LINS1: variants seen among roughly 807,000 people sequenced by gnomAD.
LINS1 encodes the protein lines homolog 1.
In LINS1, 27 loss-of-function variants were observed where a neutral mutation model predicts 41.6. That is an observed-to-expected ratio of 0.65 (90% CI 0.48 to 0.89). The LOEUF (loss-of-function observed/expected upper bound fraction) is 0.89. LINS1 is among the 40% of genes least tolerant of loss of function. The pLI is 0.00. For synonymous variants in LINS1, 336 were observed against 312.9 expected (o/e 1.07, Z -0.78); for missense variants, 955 against 884.1 (o/e 1.08, Z -1.02).
chr15:100,593,497 T>A (rs2141352685), intron 1 of LINS1, among the ~76,000 whole-genome samples: 1 of 148,922 alleles, frequency 6.7e-6, no homozygotes, highest in East Asian at 2.0e-4. Context: ...ATACGAATCG[T>A]TAAACTTTAT....
At chr15:100,596,293 T>G (rs1442804508) in intron 1 of LINS1, among the ~76,000 whole-genome samples, 2 of 152,230 alleles carry the variant, frequency 1.3e-5, no homozygotes, top group Non-Finnish European at 2.9e-5. Flanking sequence ...TCCTAGGAGC[T>G]TCCCATAAGA....
chr15:100,578,761 A>T (rs2038345415), intron 3 of LINS1, among the ~76,000 whole-genome samples: 1 of 152,192 alleles, frequency 6.6e-6, no homozygotes, highest in Non-Finnish European at 1.5e-5. Context: ...AATAGCAAAG[A>T]CTTGGAACCA....
chr15:100,580,497 A>G lies in LINS1; in HGVS notation c.346T>C (p.Tyr116His), dbSNP rs758575518. The G allele has an allele frequency of 1.2e-5, 19 of 1,613,918 alleles. No individual in the cohort carries two copies. Among genetic ancestry groups the G allele is most frequent in the East Asian group, 2.2e-5 (1 of 44,898 alleles). ...AAGAGAATTTTAATTACATCTCTGT[A>G]CTGCTCCTTTGCATGGAACTCGGTT... ...VKTEFHAKEQ[Y>H]RDVIKILLES... The change falls in exon 2 of 7, where the codon TAC becomes CAC. Residue 116 changes from tyrosine (Y) to histidine (H), a missense_variant. Coordinates refer to ENST00000314742, the MANE Select transcript of LINS1 (RefSeq NM_001040616.3).
At chr15:100,579,401 AT>A (rs35349929) in intron 3 of LINS1, among the ~76,000 whole-genome samples, 5 of 146,270 alleles carry the variant, frequency 3.4e-5, no homozygotes, top group East Asian at 2.0e-4. Flanking sequence ...CCTTTAACTT[AT>A]TTTTTTTTTA....
At position 100,589,416 on chromosome 15, in the gene LINS1, C is replaced by T. The variant is rs148024772; in HGVS notation, c.-103-8471G>A. On this transcript the variant is annotated intron_variant, in intron 1 of 6. Transcript: ENST00000314742. ...AGATACATATTTTGAATGAACTCCA[C>T]GATCTAAGTCAATTTACCTATGATA... 5.9e-5 allele frequency among the ~76,000 whole-genome samples: 9 copies of T among 152,154 alleles called. No homozygotes were observed. In the South Asian group the frequency reaches 1.9e-3, roughly 31 times the overall value.
chr15:100,591,581 T>C (rs1028894076), intron 1 of LINS1, among the ~76,000 whole-genome samples: 2 of 152,192 alleles, frequency 1.3e-5, no homozygotes. Flanking sequence ...AGGAAACACA[T>C]AGATCCTAGA....
At position 100,581,517 on chromosome 15, in the gene LINS1, T is replaced by C. The variant is rs561207958; in HGVS notation, c.-103-572A>G. On this transcript the variant is annotated intron_variant, in intron 1 of 6. Coordinates refer to ENST00000314742, the MANE Select transcript of LINS1 (RefSeq NM_001040616.3). ...TAGACTGCTATATGGTCAAACTAGA[T>C]TATGGCTATTGCCAATGAAATTCCA... 4.6e-5 allele frequency among the ~76,000 whole-genome samples: 7 copies of C among 152,348 alleles called. No homozygotes were observed. The South Asian group carries it at 1.4e-3, about 32-fold the overall frequency.
rs751575580 is a variant in LINS1, at chr15:100,569,987, G to C, written c.1525C>G (p.Leu509Val). The change falls in exon 7 of 7, where the codon CTT becomes GTT. Residue 509 changes from leucine to valine, a missense_variant. Leu to Val is a conservative substitution (Grantham distance 32). Coordinates refer to ENST00000314742, the MANE Select transcript of LINS1 (RefSeq NM_001040616.3). Reference protein sequence around the residue: ...LKNIGFDSTVLLDFLISSETC... With the variant: ...LKNIGFDSTVVLDFLISSETC... ...TCTGATGAAATCAAAAAGTCAAGAAGAACTGTGGAATCAAATCCTATATTT... is the reference window on the plus strand; with the variant it reads ...TCTGATGAAATCAAAAAGTCAAGAACAACTGTGGAATCAAATCCTATATTT... The C allele has an allele frequency of 4.5e-6, 7 of 1,565,894 alleles. No individual in the cohort carries two copies. The Admixed American group carries it at 5.7e-5, about 13-fold the overall frequency.
At chr15:100,593,561 G>T (rs1389989776) in intron 1 of LINS1, among the ~76,000 whole-genome samples, 1 of 66,112 alleles carries the variant, frequency 1.5e-5, no homozygotes, top group Non-Finnish European at 2.5e-5. Flanking sequence ...CAACTTTATG[G>T]GGGGGGGGGG....
At chr15:100,591,771 G>A (rs1028387398) in intron 1 of LINS1, among the ~76,000 whole-genome samples, 9 of 152,142 alleles carry the variant, frequency 5.9e-5, no homozygotes, top group African/African-American at 2.2e-4. Flanking sequence ...TGGCCATCAA[G>A]GAGCTACCCT....
At chr15:100,592,684 A>C (rs918631564) in intron 1 of LINS1, among the ~76,000 whole-genome samples, 30 of 152,340 alleles carry the variant, frequency 2.0e-4, no homozygotes, top group African/African-American at 5.8e-4. Flanking sequence ...ATACTTTAAC[A>C]AAAGATCAAC....
chr15:100,594,900 T>A (rs2039182133), intron 1 of LINS1, among the ~76,000 whole-genome samples: 1 of 152,182 alleles, frequency 6.6e-6, no homozygotes, highest in Non-Finnish European at 1.5e-5. Context: ...ATACTTTTAG[T>A]GGCTATACCA....
At chr15:100,575,190 G>A (rs113289293) in intron 3 of LINS1, 62 bp from the exon 4 acceptor site, 7 of 1,407,936 alleles carry the variant, frequency 5.0e-6, no homozygotes, top group African/African-American at 2.8e-5. Context: ...TAATACAACT[G>A]TATACAACAT....
Position 100,569,421 on chromosome 15 carries a change from T to A in LINS1, c.2091A>T (p.Val697=). ...FDTAFSFDCE[V]APNDVVSEVG... is the part of the protein sequence containing the mutation. ...CTTCAGAGACGACATCATTTGGGGC[T>A]ACTTCACAATCAAAGGAGAAGGCAG... The change falls in exon 7 of 7, where the codon GTA becomes GTT. Residue 697 remains valine, a synonymous_variant. Coordinates refer to ENST00000314742, the MANE Select transcript of LINS1 (RefSeq NM_001040616.3). 1 of 1,614,208 alleles carries A rather than the reference T, an allele frequency of 6.2e-7. No homozygotes were observed. Among genetic ancestry groups the A allele is most frequent in the Non-Finnish European group, 8.5e-7 (1 of 1,180,032 alleles).
intron 1 of LINS1, among the ~76,000 whole-genome samples, chr15:100,601,586 CAA>C (rs1182302140): frequency 6.6e-6 from 1 of 151,952 alleles, no homozygotes; most frequent in African/African-American, 2.4e-5. Context: ...ACGTCCTGGT[CAA>C]AATCGATTCC....
intron 3 of LINS1, among the ~76,000 whole-genome samples, chr15:100,579,102 C>T (rs897464517): frequency 1.3e-5 from 2 of 151,726 alleles, no homozygotes; most frequent in Non-Finnish European, 2.9e-5. Flanking sequence ...TGCAGCACAC[C>T]AACATGGCAC....
intron 5 of LINS1, chr15:100,572,349 T>A: frequency 8.3e-7 from 1 of 1,201,690 alleles, no homozygotes; most frequent in Non-Finnish European, 1.0e-6. Flanking sequence ...AAATAAAAGT[T>A]ATGTGATTTC....
intron 1 of LINS1, among the ~76,000 whole-genome samples, chr15:100,582,737 G>C (rs1382970768): frequency 6.9e-6 from 1 of 144,120 alleles, no homozygotes; most frequent in Non-Finnish European, 1.5e-5. Flanking sequence ...CTTATACTGG[G>C]TCTTCCATCT....
intron 1 of LINS1, among the ~76,000 whole-genome samples, chr15:100,586,734 A>G (rs2038816541): frequency 6.6e-6 from 1 of 152,228 alleles, no homozygotes; most frequent in African/African-American, 2.4e-5. Context: ...AGAAACCAGT[A>G]AGTAGCGGAT....
Sources: gnomAD v4.1 joint callset for allele counts (sites outside exome capture counted in the v4.1 genomes callset) on GRCh38, gnomAD v4.1.1 for gene constraint, MANE v1.5 for transcripts, NCBI Gene and HGNC (gene_info 2026-07-23, HGNC 2026-07-21) for gene names.